The following ECHDC3 variants were observed in gnomAD, a reference collection of about 807,000 sequenced individuals.
ECHDC3 encodes enoyl-CoA hydratase domain containing 3.
ECHDC3 carries 20 observed loss-of-function variants against 17.9 expected under a neutral mutation model. The ratio of observed to expected loss-of-function variants is 1.12; its 90% confidence interval spans 0.79 to 1.63. The LOEUF is 1.63. Among genes scored for constraint, ECHDC3 ranks in the 40% most tolerant of loss-of-function variants. The probability of loss-of-function intolerance (pLI) is 0.00; values close to 1 mark genes in which losing one functional copy is unlikely to be tolerated. For missense variants in ECHDC3, 407 were observed against 357.7 expected (o/e 1.14, Z -1.11); for synonymous variants, 177 against 149.7 (o/e 1.18, Z -1.33).
Position 11,747,369 on chromosome 10 carries a change from C to A in ECHDC3, c.191C>A (p.Pro64His). ...DGIRNIVLSN[P>H]KKRNALSLAM... ...CACAGGAACATCGTCTTGAGCAATCCCAAGAAGAGGAACGCGTTGTCACTT... is the reference window on the plus strand; with the variant it reads ...CACAGGAACATCGTCTTGAGCAATCACAAGAAGAGGAACGCGTTGTCACTT... Residue 64 changes from proline to histidine, a missense_variant, in exon 2 of 5, where the codon CCC becomes CAC. Coordinates refer to ENST00000379215, the MANE Select transcript of ECHDC3 (RefSeq NM_024693.5). The A allele has an allele frequency of 1.9e-6, 3 of 1,613,900 alleles. No homozygotes were observed. Among genetic ancestry groups the A allele is most frequent in the South Asian group, 2.2e-5 (2 of 91,056 alleles).
chr10:11,749,489 T>C lies in ECHDC3; in HGVS notation c.293-6T>C, dbSNP rs1204704751. ...GTTTTCTTTTCTCAATTGGAAACAT[T>C]TGCAGCTGAGGGGCCTGTGTTTTCT... On this transcript the variant is annotated splice_region_variant and splice_polypyrimidine_tract_variant and intron_variant, in intron 2 of 4. Coordinates refer to ENST00000379215, the MANE Select transcript of ECHDC3 (RefSeq NM_024693.5). 6.2e-7 allele frequency: 1 copy of C among 1,613,876 alleles called. No homozygotes were observed. Among genetic ancestry groups the C allele is most frequent in the African/African-American group, 1.3e-5 (1 of 74,938 alleles).
At chr10:11,760,979 T>G (rs767760859) in intron 4 of ECHDC3, among the ~76,000 whole-genome samples, 31 of 152,176 alleles carry the variant, frequency 2.0e-4, no homozygotes, top group South Asian at 6.2e-4. Context: ...CAACGTAAAA[T>G]CGGTACAGTT....
chr10:11,763,996 T>G lies in ECHDC3; in HGVS notation c.*452T>G. On this transcript the variant is annotated 3_prime_UTR_variant, in exon 5 of 5. Coordinates refer to ENST00000379215, the MANE Select transcript of ECHDC3 (RefSeq NM_024693.5). The surrounding 1 kb of genome is among the most constrained non-coding windows in gnomAD (Gnocchi z 4.9). ...TTCTCCACACAGAAAATCTTCTTGATTCTATAGAGACTTAATCATGCCTAT... is the reference window on the plus strand; with the variant it reads ...TTCTCCACACAGAAAATCTTCTTGAGTCTATAGAGACTTAATCATGCCTAT... 1 of 973,582 alleles carries G rather than the reference T, an allele frequency of 1.0e-6. No homozygotes were observed. The highest frequency in any genetic ancestry group is 1.2e-6 in the Non-Finnish European group (1 of 818,306). 60.3% of individuals were successfully genotyped at this position (973,582 alleles called of 1,614,324 possible). A position where few individuals can be genotyped will look rare whatever the true frequency, so the allele number is the denominator to read the frequency against.
chr10:11,749,174 C>T (rs143298381), intron 2 of ECHDC3, among the ~76,000 whole-genome samples: 3 of 152,300 alleles, frequency 2.0e-5, no homozygotes, highest in African/African-American at 7.2e-5. Flanking sequence ...AGCGAGTCCC[C>T]AAATAAAGGC....
intron 1 of ECHDC3, among the ~76,000 whole-genome samples, chr10:11,743,604 G>A (rs1832720893): frequency 6.6e-6 from 1 of 152,234 alleles, no homozygotes; most frequent in Non-Finnish European, 1.5e-5. Context: ...TCTACAGACA[G>A]CTGCTCTTGG....
chr10:11,744,234 C>T (rs955828823), intron 1 of ECHDC3, among the ~76,000 whole-genome samples: 4 of 152,194 alleles, frequency 2.6e-5, no homozygotes, highest in African/African-American at 4.8e-5. Context: ...CAGGGCCACA[C>T]GGCCAGTAGG....
intron 1 of ECHDC3, 108 bp from the exon 2 acceptor site, chr10:11,747,241 C>G: frequency 5.6e-6 from 8 of 1,418,130 alleles, no homozygotes; most frequent in Non-Finnish European, 7.6e-6. Flanking sequence ...CCCAGCAGTT[C>G]TCCTTTCTTG....
At chr10:11,756,259 A>G (rs2133793163) in intron 4 of ECHDC3, among the ~76,000 whole-genome samples, 1 of 152,322 alleles carries the variant, frequency 6.6e-6, no homozygotes. Flanking sequence ...TCCTTCCTAT[A>G]ACATCATAAA....
chr10:11,762,852 G>A (rs1832969888), intron 4 of ECHDC3, among the ~76,000 whole-genome samples: 2 of 152,030 alleles, frequency 1.3e-5, no homozygotes, highest in African/African-American at 2.4e-5. Flanking sequence ...GAGAGGTACT[G>A]GAACCCCCAC....
Position 11,763,204 on chromosome 10 carries a change from C to T in ECHDC3, c.592-20C>T, listed in dbSNP as rs780468502. On this transcript the variant is annotated intron_variant, in intron 4 of 4. Transcript: ENST00000379215. The surrounding 1 kb of genome is among the most constrained non-coding windows in gnomAD (Gnocchi z 4.9). ...GGGTCACAGGAGAGCACCTCAGTGACATCCCGTGTCTCCCCGTAGGTGGCC... is the reference window on the plus strand; with the variant it reads ...GGGTCACAGGAGAGCACCTCAGTGATATCCCGTGTCTCCCCGTAGGTGGCC... 5.3e-6 allele frequency: 4 copies of T among 755,260 alleles called. No homozygotes were observed. In the Admixed American group the frequency reaches 6.9e-5, roughly 13 times the overall value. 46.8% of individuals were successfully genotyped at this position (755,260 alleles called of 1,614,324 possible).
At chr10:11,756,416 G>A (rs1306955787) in intron 4 of ECHDC3, among the ~76,000 whole-genome samples, 1 of 152,210 alleles carries the variant, frequency 6.6e-6, no homozygotes, top group Non-Finnish European at 1.5e-5. Flanking sequence ...GCTTTCTAAT[G>A]TATATGATCT....
At chr10:11,756,982 C>T (rs950292737) in intron 4 of ECHDC3, among the ~76,000 whole-genome samples, 2 of 152,202 alleles carry the variant, frequency 1.3e-5, no homozygotes, top group African/African-American at 4.8e-5. Context: ...TAGTCCGTCC[C>T]CCTCGGCCTC....
chr10:11,753,575 C>G (rs943081681), intron 3 of ECHDC3, among the ~76,000 whole-genome samples: 2 of 152,040 alleles, frequency 1.3e-5, no homozygotes, highest in Non-Finnish European at 1.5e-5. Context: ...ACACTCAGAA[C>G]GAAAACAAAA....
intron 3 of ECHDC3, chr10:11,752,028 T>A (rs773385715): frequency 2.0e-5 from 3 of 152,216 alleles, no homozygotes; most frequent in Non-Finnish European, 4.4e-5. Context: ...TTCTTGACTA[T>A]CAAGTGTTTG....
intron 3 of ECHDC3, among the ~76,000 whole-genome samples, 181 bp downstream of exon 3, chr10:11,749,773 C>CTTTTT (rs869115508): frequency 4.6e-5 from 3 of 65,528 alleles, no homozygotes; most frequent in African/African-American, 2.0e-4. Context: ...TGGTTTAGAC[C>CTTTTT]TTTTTTTTTT....
At chr10:11,759,371 C>CA (rs71513303) in intron 4 of ECHDC3, among the ~76,000 whole-genome samples, 2 of 74,286 alleles carry the variant, frequency 2.7e-5, no homozygotes, top group African/African-American at 8.3e-5. Context: ...AAAAAAAAAA[C>CA]AAAAAAAAAA....
chr10:11,756,191 G>T (rs768760573), intron 4 of ECHDC3, among the ~76,000 whole-genome samples: 2 of 152,208 alleles, frequency 1.3e-5, no homozygotes, highest in Non-Finnish European at 2.9e-5. Flanking sequence ...AGAAGGAGCC[G>T]TGTTGCAAAG....
intron 1 of ECHDC3, among the ~76,000 whole-genome samples, chr10:11,744,905 G>A (rs973710120): frequency 6.6e-6 from 1 of 152,232 alleles, no homozygotes. Flanking sequence ...CAGCTCAGAG[G>A]CAGCTGTTGA....
At position 11,758,106 on chromosome 10, in the gene ECHDC3, T is replaced by C. The variant is rs1002283853; in HGVS notation, c.591+2498T>C. Among the ~76,000 whole-genome samples, 4 of 152,164 alleles carry C rather than the reference T, an allele frequency of 2.6e-5. No individual in the cohort carries two copies. In the South Asian group the frequency reaches 8.3e-4, roughly 32 times the overall value. On this transcript the variant is annotated intron_variant, in intron 4 of 4. Coordinates refer to ENST00000379215, the MANE Select transcript of ECHDC3 (RefSeq NM_024693.5). Reference sequence around the variant, plus strand: ...ACATGTATGGGTCACTAGTGCCCTCTCCTGGCCGCCGCAGGGACCTGCTTG... The same window carrying C: ...ACATGTATGGGTCACTAGTGCCCTCCCCTGGCCGCCGCAGGGACCTGCTTG...
Sources: allele counts gnomAD v4.1 joint callset (sites outside exome capture counted in the v4.1 genomes callset), GRCh38; gene constraint gnomAD v4.1.1; non-coding constraint Gnocchi (gnomAD v3.1); transcripts MANE v1.5; gene names NCBI Gene and HGNC (gene_info 2026-07-23, HGNC 2026-07-21).